The following DMXL2 variants were observed in gnomAD, a reference collection of about 807,000 sequenced individuals.
DMXL2 encodes the protein Dmx like 2.
A neutral mutation model predicts 331.1 loss-of-function variants in DMXL2; 103 were observed. The observed-to-expected ratio is 0.31, with a 90% CI of 0.27 to 0.37. DMXL2 has a LOEUF of 0.37. Ranked by LOEUF, DMXL2 falls within the 10% of genes least tolerant of loss-of-function variation. The pLI, the probability that DMXL2 is intolerant of heterozygous loss-of-function variation, is 1.00. For missense variants in DMXL2, 3,171 were observed against 3,642.9 expected, an observed-to-expected ratio of 0.87 and a Z score of 3.33; for synonymous variants, 1,281 against 1,252.1, an observed-to-expected ratio of 1.02 and a Z score of -0.49.
intron 28 of DMXL2, among the ~76,000 whole-genome samples, chr15:51,472,591 T>G (rs2041222541): frequency 6.6e-6 from 1 of 152,208 alleles, no homozygotes; most frequent in Non-Finnish European, 1.5e-5. Context: ...ATTTACCTAT[T>G]CAGGATATTT....
chr15:51,503,504 A>G (rs745892183), intron 16 of DMXL2, among the ~76,000 whole-genome samples: 1 of 152,176 alleles, frequency 6.6e-6, no homozygotes, highest in Non-Finnish European at 1.5e-5. Flanking sequence ...TCTCTCACTC[A>G]TATGTGAGAG....
intron 1 of DMXL2, among the ~76,000 whole-genome samples, chr15:51,615,594 G>A (rs2141433427): frequency 6.6e-6 from 1 of 152,278 alleles, no homozygotes; most frequent in East Asian, 1.9e-4. Context: ...TCTCCTGGTG[G>A]ACAAAATCAC....
intron 6 of DMXL2, among the ~76,000 whole-genome samples, chr15:51,555,310 T>C (rs1596242249): frequency 6.6e-6 from 1 of 152,016 alleles, no homozygotes; most frequent in Non-Finnish European, 1.5e-5. Flanking sequence ...GTGGAGGTGG[T>C]AAAGAAGTAA....
intron 2 of DMXL2, among the ~76,000 whole-genome samples, chr15:51,574,661 C>A (rs973518162): frequency 2.0e-5 from 3 of 152,116 alleles, no homozygotes; most frequent in Non-Finnish European, 4.4e-5. Flanking sequence ...AAAGTTATCA[C>A]CACAAGGACT....
chr15:51,542,546 C>T (rs768197916), intron 8 of DMXL2, 39 bp from the exon 9 acceptor site: 1 of 1,515,334 alleles, frequency 6.6e-7, no homozygotes, highest in Non-Finnish European at 9.0e-7. Context: ...AACTCTGGAA[C>T]CTCTAATAAA....
At chr15:51,488,683 A>C (rs367845159) in intron 20 of DMXL2, 38 bp from the exon 21 acceptor site, 271 of 1,516,896 alleles carry the variant, frequency 1.8e-4, no homozygotes, top group Non-Finnish European at 2.2e-4. Context: ...ACAATTTGAC[A>C]TAAGAATTAC....
intron 13 of DMXL2, among the ~76,000 whole-genome samples, chr15:51,531,764 T>C (rs954348334): frequency 1.3e-5 from 2 of 152,142 alleles, no homozygotes; most frequent in African/African-American, 4.8e-5. Context: ...AACAGACATA[T>C]GAAAAGGTGC....
rs186090263 is a variant in DMXL2 at position 51,612,547 on chromosome 15, C to T, written c.87+9912G>A. Among the ~76,000 whole-genome samples, 565 of 152,220 alleles carry T rather than the reference C, an allele frequency of 3.7e-3. 3 individuals are homozygous for T. The highest frequency in any genetic ancestry group is 0.013 in the African/African-American group (544 of 41,516). On this transcript the variant is annotated intron_variant, in intron 1 of 43. Coordinates refer to ENST00000560891, the MANE Select transcript of DMXL2 (RefSeq NM_001378457.1). ...AGCAGGTTCCGTGATGCCCCCCAAG[C>T]CGCAAAACCAGCAAGTTTTTATTAG...
At chr15:51,457,167 G>T in intron 37 of DMXL2, 161 bp downstream of exon 37, 2 of 804,806 alleles carry the variant, frequency 2.5e-6, no homozygotes, top group Non-Finnish European at 3.8e-6. Flanking sequence ...GCCAGACCCT[G>T]TCACCAAATA....
intron 1 of DMXL2, among the ~76,000 whole-genome samples, chr15:51,608,394 C>T (rs1443122149): frequency 1.3e-5 from 2 of 152,150 alleles, no homozygotes. Flanking sequence ...ATGTGGTACA[C>T]ATATGCCACA....
At chr15:51,451,143 T>G (rs923095282) in intron 42 of DMXL2, among the ~76,000 whole-genome samples, 4 of 152,160 alleles carry the variant, frequency 2.6e-5, no homozygotes, top group African/African-American at 9.7e-5. Flanking sequence ...ATTTTATGGT[T>G]AGGGCCAGGT....
At chr15:51,594,601 G>C (rs1472258501) in intron 1 of DMXL2, among the ~76,000 whole-genome samples, 1 of 152,010 alleles carries the variant, frequency 6.6e-6, no homozygotes, top group African/African-American at 2.4e-5. Context: ...GCCTGGCAGA[G>C]ACACAACAAA....
At chr15:51,457,537 T>G in intron 36 of DMXL2, 71 bp from the exon 37 acceptor site, 1 of 1,546,406 alleles carries the variant, frequency 6.5e-7, no homozygotes, top group Non-Finnish European at 8.8e-7. Flanking sequence ...CTAAAAATCT[T>G]CTTATGTACC....
chr15:51,551,263 G>A (rs905911323), intron 6 of DMXL2, among the ~76,000 whole-genome samples: 2 of 152,074 alleles, frequency 1.3e-5, no homozygotes, highest in South Asian at 2.1e-4. Flanking sequence ...ATCCTTACCA[G>A]AAAAGCATTA....
At chr15:51,528,269 T>A (rs1473466665) in intron 13 of DMXL2, among the ~76,000 whole-genome samples, 1 of 151,964 alleles carries the variant, frequency 6.6e-6, no homozygotes, top group Admixed American at 6.6e-5. Context: ...AATTCTCCAA[T>A]CAAAAGACAT....
intron 13 of DMXL2, among the ~76,000 whole-genome samples, chr15:51,519,896 G>A (rs530007919): frequency 1.1e-4 from 16 of 152,174 alleles, no homozygotes; most frequent in South Asian, 4.2e-4. Context: ...ACCTGCCTCG[G>A]CCTCCCAAAA....
chr15:51,469,215 T>C (rs1259087719), intron 29 of DMXL2, among the ~76,000 whole-genome samples: 2 of 151,314 alleles, frequency 1.3e-5, no homozygotes, highest in African/African-American at 4.9e-5. Flanking sequence ...CAAAAATAAA[T>C]AATGAAATAT....
chr15:51,516,775 A>G (rs1459575446), intron 14 of DMXL2, among the ~76,000 whole-genome samples: 2 of 152,158 alleles, frequency 1.3e-5, no homozygotes, highest in African/African-American at 2.4e-5. Context: ...TGGTTTTTCA[A>G]ATCTCTAGTT....
chr15:51,613,953 T>C (rs2054131267), intron 1 of DMXL2, among the ~76,000 whole-genome samples: 1 of 152,210 alleles, frequency 6.6e-6, no homozygotes, highest in Non-Finnish European at 1.5e-5. Flanking sequence ...CCAGCTCAGC[T>C]GATTGTTAAC....
Sources: allele counts gnomAD v4.1 joint callset (sites outside exome capture counted in the v4.1 genomes callset), GRCh38; gene constraint gnomAD v4.1.1; transcripts MANE v1.5; gene names NCBI Gene and HGNC (gene_info 2026-07-23, HGNC 2026-07-21).